MUC17: variants seen among roughly 807,000 people sequenced by gnomAD.
The protein encoded by MUC17 is mucin 17, cell surface associated, also known as mucin-17.
A neutral mutation model predicts 170.3 loss-of-function variants in MUC17; 190 were observed. The ratio of observed to expected loss-of-function variants is 1.12; its 90% confidence interval spans 0.99 to 1.26. The LOEUF is 1.26. Among genes scored for constraint, MUC17 ranks in the 50% most tolerant of loss-of-function variants. The pLI is 0.00. For synonymous variants in MUC17, 2,325 were observed against 2,002.5 expected, an observed-to-expected ratio of 1.16 and a Z score of -4.30; for missense variants, 6,415 against 5,530.0, an observed-to-expected ratio of 1.16 and a Z score of -5.08.
chr7:101,042,263 C>G lies in MUC17; in HGVS notation c.10847C>G (p.Thr3616Ser). ...PVTTSTQSNS[T>S]PTPPEVITLP... ...ACCACTTCTACTCAGAGCAATTCTA[C>G]TCCTACACCTCCTGAAGTTATCACC... The change falls in exon 3 of 13, where the codon ACT becomes AGT. Residue 3616 changes from threonine (T) to serine (S), a missense_variant. Transcript: ENST00000306151. 2.5e-6 allele frequency: 4 copies of G among 1,614,144 alleles called. No individual in the cohort carries two copies. The highest frequency in any genetic ancestry group is 3.4e-6 in the Non-Finnish European group (4 of 1,180,044).
Position 101,036,227 on chromosome 7 carries a change from T to C in MUC17, c.4811T>C (p.Val1604Ala), listed in dbSNP as rs761500320. Reference sequence around the variant, plus strand: ...ACCCCTATTGACTCCAAAACTCAGGTGACCGCTTCTACTGAAGCCAGTTCA... The same window carrying C: ...ACCCCTATTGACTCCAAAACTCAGGCGACCGCTTCTACTGAAGCCAGTTCA... ...STTPIDSKTQVTASTEASSST... is the reference protein window; with the variant it reads ...STTPIDSKTQATASTEASSST... Residue 1604 changes from valine (V) to alanine (A), a missense_variant, in exon 3 of 13, where the codon GTG becomes GCG. Coordinates refer to ENST00000306151, the MANE Select transcript of MUC17 (RefSeq NM_001040105.2). 2 of 1,614,014 alleles carry C rather than the reference T, an allele frequency of 1.2e-6. No homozygotes were observed. Among genetic ancestry groups the C allele is most frequent in the East Asian group, 2.2e-5 (1 of 44,860 alleles).
At chr7:101,052,959 C>T (rs1794976324) in intron 9 of MUC17, 27 bp from the exon 10 acceptor site, 4 of 1,602,190 alleles carry the variant, frequency 2.5e-6, no homozygotes, top group Admixed American at 3.4e-5. Flanking sequence ...TCTCTCTCCC[C>T]AACCTGCCGC....
At chr7:101,029,057 G>A (rs1439996506) in intron 1 of MUC17, among the ~76,000 whole-genome samples, 10 of 151,156 alleles carry the variant, frequency 6.6e-5, no homozygotes, top group Admixed American at 2.6e-4. Flanking sequence ...GTGTGGTGGC[G>A]CATGCCTGTA....
chr7:101,020,492 A>G (rs190453570), intron 1 of MUC17, among the ~76,000 whole-genome samples: 2 of 152,108 alleles, frequency 1.3e-5, no homozygotes, highest in East Asian at 1.9e-4. Flanking sequence ...AGTAAGAATA[A>G]TAACACCTGC....
At position 101,032,477 on chromosome 7, in the gene MUC17, T is replaced by A. The variant is rs201681377; in HGVS notation, c.1061T>A (p.Leu354His). Residue 354 changes from leucine (L) to histidine (H), a missense_variant, in exon 3 of 13, where the codon CTT (leucine) becomes CAT (histidine). By Grantham distance (99) the Leu-to-His change is moderately conservative. Coordinates refer to ENST00000306151, the MANE Select transcript of MUC17 (RefSeq NM_001040105.2). ...GTTGCCACTTCTGAAATGAGCACAC[T>A]TTCAATAACTCCTGTTGACACCAGC... ...MPVATSEMSTLSITPVDTSTL... is the reference protein window; with the variant it reads ...MPVATSEMSTHSITPVDTSTL... The A allele has an allele frequency of 3.2e-4, 509 of 1,613,868 alleles. 3 individuals carry two copies. The highest frequency in any genetic ancestry group is 7.0e-4 in the Admixed American group (42 of 59,982).
In MUC17 at chr7:101,039,708, C is replaced by T. The variant is rs746274738; in HGVS notation, c.8292C>T (p.Ala2764=). The change falls in exon 3 of 13, where the codon GCC becomes GCT. Residue 2764 remains alanine, a synonymous_variant. Transcript: ENST00000306151. Reference sequence around the variant, plus strand: ...TACTTGTCAGCACCCTGCCAGTGGCCAGTTCTGAGGCTAGCACCGTTTCAA... The same window carrying T: ...TACTTGTCAGCACCCTGCCAGTGGCTAGTTCTGAGGCTAGCACCGTTTCAA... ...TSILVSTLPV[A]SSEASTVSTT... The T allele has an allele frequency of 5.4e-5, 87 of 1,613,206 alleles. 1 individual carries two copies. The highest frequency in any genetic ancestry group is 7.1e-5 in the Non-Finnish European group (84 of 1,179,630).
Position 101,040,611 on chromosome 7 carries a change from C to A in MUC17, c.9195C>A (p.Thr3065=), listed in dbSNP as rs777437431. The change falls in exon 3 of 13, where the codon ACC becomes ACA. Residue 3065 remains threonine (T), a synonymous_variant. Coordinates refer to ENST00000306151, the MANE Select transcript of MUC17 (RefSeq NM_001040105.2). ...TTPVAIPEAS[T]LSTTPVDSNS... ...CAGTGGCCATTCCTGAGGCTAGCAC[C>A]CTTTCAACAACTCCTGTTGACTCCA... 11 of 1,612,278 alleles carry A rather than the reference C, an allele frequency of 6.8e-6. No individual in the cohort carries two copies. The highest frequency in any genetic ancestry group is 2.2e-5 in the South Asian group (2 of 90,890).
Position 101,034,414 on chromosome 7 carries a change from G to C in MUC17, c.2998G>C (p.Ala1000Pro), listed in dbSNP as rs1308620106. ...VSHTLVANSE[A>P]STLSTTPVDS... ...CCACACGCTGGTGGCCAATTCTGAG[G>C]CTAGCACCCTTTCAACAACTCCTGT... The change falls in exon 3 of 13, where the codon GCT (alanine) becomes CCT (proline). Residue 1000 changes from alanine (A) to proline (P), a missense_variant. Physicochemically the swap from Ala to Pro is conservative, Grantham distance 27. Coordinates refer to ENST00000306151, the MANE Select transcript of MUC17 (RefSeq NM_001040105.2). 1.2e-6 allele frequency: 2 copies of C among 1,606,714 alleles called. No homozygotes were observed. Among genetic ancestry groups the C allele is most frequent in the Non-Finnish European group, 1.7e-6 (2 of 1,176,474 alleles).
intron 11 of MUC17, among the ~76,000 whole-genome samples, chr7:101,053,911 T>G (rs942732125): frequency 8.7e-5 from 13 of 148,712 alleles, no homozygotes; most frequent in Non-Finnish European, 1.8e-4. Flanking sequence ...AAATTTTAAA[T>G]TATCTGGGCA....
At chr7:101,028,617 C>T (rs1358178532) in intron 1 of MUC17, among the ~76,000 whole-genome samples, 1 of 151,944 alleles carries the variant, frequency 6.6e-6, no homozygotes, top group African/African-American at 2.4e-5. Context: ...GTGGCTCATA[C>T]CTGTAATCCC....
Position 101,037,750 on chromosome 7 carries a change from A to T in MUC17, c.6334A>T (p.Thr2112Ser), listed in dbSNP as rs1262504551. 6.2e-7 allele frequency: 1 copy of T among 1,613,696 alleles called. No individual in the cohort carries two copies. The highest frequency in any genetic ancestry group is 8.5e-7 in the Non-Finnish European group (1 of 1,179,858). The change falls in exon 3 of 13, where the codon ACG becomes TCG. Residue 2112 changes from threonine to serine, a missense_variant. Transcript: ENST00000306151. ...PLLTSIPLST[T>S]PVASPEASTL... ...ACTAACAAGTATACCTCTCAGCACC[A>T]CGCCGGTGGCCAGTCCTGAGGCTAG... is the stretch of plus-strand genomic sequence containing the variant.
At chr7:101,023,268 C>T (rs1794126456) in intron 1 of MUC17, among the ~76,000 whole-genome samples, 1 of 152,164 alleles carries the variant, frequency 6.6e-6, no homozygotes, top group African/African-American at 2.4e-5. Context: ...CCAAATAAGG[C>T]CAACTTCTGG....
In MUC17 at chr7:101,041,704, G is replaced by A; in HGVS notation, c.10288G>A (p.Val3430Met). 1.9e-6 allele frequency: 3 copies of A among 1,613,570 alleles called. No individual in the cohort carries two copies. In the South Asian group the frequency reaches 3.3e-5, roughly 18 times the overall value. Residue 3430 changes from valine (V) to methionine (M), a missense_variant, in exon 3 of 13, where the codon GTG becomes ATG. Transcript: ENST00000306151. ...STTPVDSNTLVTTSTEASSSP... is the reference protein window; with the variant it reads ...STTPVDSNTLMTTSTEASSSP... Reference sequence around the variant, plus strand: ...AACTCCTGTGGACTCCAACACTCTGGTGACCACTTCTACTGAAGCCAGTTC... The same window carrying A: ...AACTCCTGTGGACTCCAACACTCTGATGACCACTTCTACTGAAGCCAGTTC...
In MUC17 at chr7:101,034,369, T is replaced by C. The variant is rs1794392444; in HGVS notation, c.2953T>C (p.Leu985=). 12 of 1,608,272 alleles carry C rather than the reference T, an allele frequency of 7.5e-6. 1 individual carries two copies. In the South Asian group the frequency reaches 8.9e-5, roughly 12 times the overall value. The change falls in exon 3 of 13, where the codon TTA becomes CTA. Residue 985 remains leucine (L), a synonymous_variant. Coordinates refer to ENST00000306151, the MANE Select transcript of MUC17 (RefSeq NM_001040105.2). ...GACTCCTAGTGAAGGAACGACTCCA[T>C]TAACAAGCACACCTGTCAGCCACAC... The part of the protein sequence containing the change: ...TSTPSEGTTP[L]TSTPVSHTLV...
Position 101,041,684 on chromosome 7 carries a change from C to T in MUC17, c.10268C>T (p.Pro3423Leu). ...GAGGTTAACACCCTTTCAACAACTC[C>T]TGTGGACTCCAACACTCTGGTGACC... ...SSEVNTLSTT[P>L]VDSNTLVTTS... Residue 3423 changes from proline to leucine, a missense_variant, in exon 3 of 13, where the codon CCT becomes CTT. By Grantham distance (98) the Pro-to-Leu change is moderately conservative. Coordinates refer to ENST00000306151, the MANE Select transcript of MUC17 (RefSeq NM_001040105.2). 6.2e-7 allele frequency: 1 copy of T among 1,614,102 alleles called. No homozygotes were observed. The highest frequency in any genetic ancestry group is 1.3e-5 in the African/African-American group (1 of 75,008).
Position 101,034,054 on chromosome 7 carries a change from T to A in MUC17, c.2638T>A (p.Ser880Thr). Residue 880 changes from serine (S) to threonine (T), a missense_variant, in exon 3 of 13, where the codon TCT becomes ACT. Coordinates refer to ENST00000306151, the MANE Select transcript of MUC17 (RefSeq NM_001040105.2). ...MPVSTTLVATSAISTLSTTPV... is the reference protein window; with the variant it reads ...MPVSTTLVATTAISTLSTTPV... ...TGTCAGCACCACACTGGTGGCCACT[T>A]CTGCAATCAGCACCCTTTCAACAAC... 4.4e-6 allele frequency: 7 copies of A among 1,601,518 alleles called. No homozygotes were observed. Among genetic ancestry groups the A allele is most frequent in the Non-Finnish European group, 6.0e-6 (7 of 1,173,214 alleles).
At chr7:101,053,680 C>A (rs1163220195) in intron 11 of MUC17, 5 of 334,846 alleles carry the variant, frequency 1.5e-5, no homozygotes, top group Non-Finnish European at 2.2e-5. Context: ...GAGTTTGAGA[C>A]CAGCCTGGAC....
intron 1 of MUC17, among the ~76,000 whole-genome samples, chr7:101,029,182 A>G (rs910789529): frequency 2.1e-5 from 3 of 144,246 alleles, no homozygotes; most frequent in Non-Finnish European, 3.0e-5. Context: ...GAGCAAAACT[A>G]CATCTCAAAA....
At position 101,040,224 on chromosome 7, in the gene MUC17, C is replaced by T. The variant is rs760892359; in HGVS notation, c.8808C>T (p.Ser2936=). 1.9e-6 allele frequency: 3 copies of T among 1,612,384 alleles called. No homozygotes were observed. The highest frequency in any genetic ancestry group is 1.1e-5 in the South Asian group (1 of 90,928). The change falls in exon 3 of 13, where the codon AGC becomes AGT. Residue 2936 remains serine, a synonymous_variant. Transcript: ENST00000306151. ...VSTPLTSILV[S]TVPVAGSEAS... ...CTCCATTAACAAGTATACTTGTCAG[C>T]ACCGTGCCAGTGGCCGGTTCTGAGG... is the stretch of plus-strand genomic sequence containing the variant.
Sources: allele counts gnomAD v4.1 joint callset (sites outside exome capture counted in the v4.1 genomes callset), GRCh38; gene constraint gnomAD v4.1.1; transcripts MANE v1.5; gene names NCBI Gene and HGNC (gene_info 2026-07-23, HGNC 2026-07-21).